Variants in CACNG4 observed in about 807,000 individuals in gnomAD.
The protein encoded by CACNG4 is calcium voltage-gated channel auxiliary subunit gamma 4.
CACNG4 carries 8 observed loss-of-function variants against 22.9 expected under a neutral mutation model. That is an observed-to-expected ratio of 0.35 (90% CI 0.21 to 0.63). CACNG4 has a LOEUF of 0.63. CACNG4 is among the 30% of genes least tolerant of loss of function. The pLI is 0.72. For synonymous variants in CACNG4, 188 were observed against 191.9 expected, an observed-to-expected ratio of 0.98 and a Z score of 0.17; for missense variants, 357 against 455.4, an observed-to-expected ratio of 0.78 and a Z score of 1.97.
At chr17:67,001,435 T>C (rs1201505329) in intron 1 of CACNG4, among the ~76,000 whole-genome samples, 2 of 152,120 alleles carry the variant, frequency 1.3e-5, no homozygotes, top group Non-Finnish European at 2.9e-5. Context: ...AGACAGGCTC[T>C]GACCCCTCTG....
intron 1 of CACNG4, among the ~76,000 whole-genome samples, chr17:66,994,307 A>G (rs1338139510): frequency 6.7e-6 from 1 of 149,246 alleles, no homozygotes; most frequent in African/African-American, 2.5e-5. Flanking sequence ...AGCCTGGGTG[A>G]CAGAGCGAGA....
intron 1 of CACNG4, among the ~76,000 whole-genome samples, chr17:66,975,219 T>C (rs903406389): frequency 6.6e-6 from 1 of 152,130 alleles, no homozygotes; most frequent in African/African-American, 2.4e-5. Context: ...GTAAAAATCA[T>C]CAGTCTCCCT....
intron 1 of CACNG4, among the ~76,000 whole-genome samples, chr17:66,966,148 C>G (rs2035169653): frequency 1.3e-5 from 2 of 152,210 alleles, no homozygotes; most frequent in East Asian, 1.9e-4. Flanking sequence ...CTGGATGCCT[C>G]CAACGCCAAA....
rs542855469 is a variant in CACNG4, at chr17:67,032,767, T to C, written c.*1763T>C. On this transcript the variant is annotated 3_prime_UTR_variant, in exon 4 of 4. Transcript: ENST00000262138. ...ATGTCCAAGTGTGCCCAGCAGCGGA[T>C]GCTGAAGCACCAGAGCTCAAGGCCT... The C allele has an allele frequency of 6.5e-6, 1 of 152,958 alleles. No homozygotes were observed. The highest frequency in any genetic ancestry group is 2.4e-5 in the African/African-American group (1 of 41,592). 9.5% of individuals were successfully genotyped at this position (152,958 alleles called of 1,614,324 possible). A position where few individuals can be genotyped will look rare whatever the true frequency, so the allele number is the denominator to read the frequency against.
At chr17:67,024,445 C>G (rs1446423738) in intron 2 of CACNG4, among the ~76,000 whole-genome samples, 2 of 152,220 alleles carry the variant, frequency 1.3e-5, no homozygotes, top group Admixed American at 6.5e-5. Context: ...AACCACTGAC[C>G]AGGGCCACCC....
At chr17:66,982,224 T>G (rs2035280746) in intron 1 of CACNG4, among the ~76,000 whole-genome samples, 1 of 152,214 alleles carries the variant, frequency 6.6e-6, no homozygotes, top group Non-Finnish European at 1.5e-5. Context: ...CAGCTTTTAT[T>G]CCTTTATTTG....
chr17:67,026,895 C>G (rs1235450263), intron 3 of CACNG4, among the ~76,000 whole-genome samples: 1 of 151,820 alleles, frequency 6.6e-6, no homozygotes, highest in Non-Finnish European at 1.5e-5. Context: ...TTCTTCCCCC[C>G]ACCTCCTTTC....
At chr17:67,019,709 G>A (rs2035520642) in intron 2 of CACNG4, among the ~76,000 whole-genome samples, 1 of 152,192 alleles carries the variant, frequency 6.6e-6, no homozygotes, top group Non-Finnish European at 1.5e-5. Context: ...TAAGGAAAGA[G>A]GCATTAGAGA....
chr17:66,971,948 T>C (rs769255217), intron 1 of CACNG4, among the ~76,000 whole-genome samples: 7 of 151,962 alleles, frequency 4.6e-5, no homozygotes, highest in Non-Finnish European at 8.8e-5. Context: ...GATGGAGATA[T>C]CAGGAGGCAG....
intron 2 of CACNG4, chr17:67,019,934 G>A (rs2035521867): frequency 6.6e-6 from 1 of 152,296 alleles, no homozygotes; most frequent in Non-Finnish European, 1.5e-5. Flanking sequence ...CAAACAGGAT[G>A]AATGAAGGAT....
chr17:67,015,246 GT>G (rs1397178205), intron 1 of CACNG4, among the ~76,000 whole-genome samples: 6 of 152,208 alleles, frequency 3.9e-5, no homozygotes, highest in Admixed American at 1.3e-4. Flanking sequence ...TCCTTAGGGG[GT>G]TAGGCTGAGT....
At chr17:67,021,301 G>A (rs7220486) in intron 2 of CACNG4, among the ~76,000 whole-genome samples, 3,915 of 152,330 alleles carry the variant, frequency 0.026, 175 homozygotes, top group African/African-American at 0.089. Context: ...CCTCCGGGTG[G>A]AGAATGGGTG....
At position 66,971,070 on chromosome 17, in the gene CACNG4, G is replaced by T. The variant is rs114951134; in HGVS notation, c.220+5939G>T. Among the ~76,000 whole-genome samples the T allele has an allele frequency of 5.0e-3, 769 of 152,314 alleles. 2 individuals carry two copies. Among genetic ancestry groups the T allele is most frequent in the African/African-American group, 0.017 (725 of 41,568 alleles). ...GGAACAGCAATGTGCAGGGGAGGGG[G>T]CCTGGTGGGCCTCTGTCTCCTCATC... is the stretch of plus-strand genomic sequence containing the variant. On this transcript the variant is annotated intron_variant, in intron 1 of 3. Transcript: ENST00000262138.
chr17:67,027,221 G>A lies in CACNG4; in HGVS notation c.445+2221G>A, dbSNP rs75647271. 0.012 allele frequency among the ~76,000 whole-genome samples: 1,868 copies of A among 152,328 alleles called. 11 individuals are homozygous for A. The highest frequency in any genetic ancestry group is 0.018 in the Non-Finnish European group (1,222 of 68,016). ...GGGCTGCCAGCCTCCAAAGCCCTTC[G>A]AGGTGCCCCCTGCAGCTGCCCGTGC... is the stretch of plus-strand genomic sequence containing the variant. On this transcript the variant is annotated intron_variant, in intron 3 of 3. Transcript: ENST00000262138. The surrounding 1 kb of genome is among the most constrained non-coding windows in gnomAD (Gnocchi z 4.3).
chr17:67,029,495 G>A (rs1229046148), intron 3 of CACNG4, among the ~76,000 whole-genome samples: 2 of 151,068 alleles, frequency 1.3e-5, no homozygotes, highest in African/African-American at 4.9e-5. Flanking sequence ...TTGGCTGGGT[G>A]TGGTGGCGGG....
chr17:67,030,390 G>T lies in CACNG4; in HGVS notation c.446-76G>T. On this transcript the variant is annotated intron_variant, in intron 3 of 3. Coordinates refer to ENST00000262138, the MANE Select transcript of CACNG4 (RefSeq NM_014405.4). This position sits in a 1 kb window ranked among gnomAD's most constrained non-coding sequence, Gnocchi z 6.4. ...GGAGTGTCCACCTGTTCCCTACACT[G>T]CCCGTCCCACTGTGGGTCTAACCTC... is the stretch of plus-strand genomic sequence containing the variant. The T allele has an allele frequency of 7.8e-7, 1 of 1,283,926 alleles. No homozygotes were observed. The highest frequency in any genetic ancestry group is 1.1e-6 in the Non-Finnish European group (1 of 901,242). The allele number at this position is 1,283,926 out of a possible 1,614,324, so 79.5% of individuals were successfully genotyped here.
intron 1 of CACNG4, among the ~76,000 whole-genome samples, chr17:66,983,886 C>G (rs2035290823): frequency 6.6e-6 from 1 of 152,170 alleles, no homozygotes; most frequent in South Asian, 2.1e-4. Context: ...CATTCATACC[C>G]TGTTCAAAAG....
At chr17:67,006,174 G>A (rs576785710) in intron 1 of CACNG4, among the ~76,000 whole-genome samples, 109 of 152,314 alleles carry the variant, frequency 7.2e-4, no homozygotes, top group Non-Finnish European at 1.3e-3. Flanking sequence ...CTGCCGTGTC[G>A]AGGCAGCCAG....
At chr17:67,019,732 C>T (rs1239790733) in intron 2 of CACNG4, among the ~76,000 whole-genome samples, 1 of 152,184 alleles carries the variant, frequency 6.6e-6, no homozygotes, top group Non-Finnish European at 1.5e-5. Context: ...CAAACCGTTC[C>T]CTCTCCATTT....
Sources: gnomAD v4.1 joint callset for allele counts (sites outside exome capture counted in the v4.1 genomes callset) on GRCh38, gnomAD v4.1.1 for gene constraint, Gnocchi (gnomAD v3.1) non-coding constraint, MANE v1.5 for transcripts, NCBI Gene and HGNC (gene_info 2026-07-23, HGNC 2026-07-21) for gene names.